Variants in CLOCK observed in about 807,000 individuals in gnomAD.
CLOCK encodes the protein circadian locomoter output cycles protein kaput.
Under a neutral mutation model 118.4 loss-of-function variants are expected in CLOCK, and 43 were observed. The observed-to-expected ratio is 0.36, with a 90% CI of 0.28 to 0.47. The LOEUF is 0.47. Ranked by LOEUF, CLOCK falls within the 20% of genes least tolerant of loss-of-function variation. The pLI is 1.00. For synonymous variants in CLOCK, 326 were observed against 339.2 expected, an observed-to-expected ratio of 0.96 and a Z score of 0.43; for missense variants, 846 against 999.9, an observed-to-expected ratio of 0.85 and a Z score of 2.08.
intron 1 of CLOCK, among the ~76,000 whole-genome samples, chr4:55,539,861 G>C (rs1731148476): frequency 6.6e-6 from 1 of 152,056 alleles, no homozygotes; most frequent in Admixed American, 6.5e-5. Flanking sequence ...TGAACAGCTT[G>C]CACTGCAGTG....
In CLOCK at chr4:55,448,964, T is replaced by C. The variant is rs1341799097; in HGVS notation, c.1450-96A>G. On this transcript the variant is annotated intron_variant, in intron 17 of 22. Coordinates refer to ENST00000513440, the MANE Select transcript of CLOCK (RefSeq NM_004898.4). ...CAATATGATATTCGTATTAATAAAC[T>C]TACCATTTGCCTCATACTTTTGTTA... is the stretch of plus-strand genomic sequence containing the variant. 7.1e-6 allele frequency: 7 copies of C among 989,968 alleles called. No homozygotes were observed. In the East Asian group the frequency reaches 1.6e-4, roughly 22 times the overall value. The allele number at this position is 989,968 out of a possible 1,614,324, so 61.3% of individuals were successfully genotyped here.
At chr4:55,477,354 T>C (rs1432984163) in intron 6 of CLOCK, among the ~76,000 whole-genome samples, 3 of 152,084 alleles carry the variant, frequency 2.0e-5, no homozygotes, top group Admixed American at 2.0e-4. Flanking sequence ...CAATAGGCAC[T>C]GAGGTTAGTG....
chr4:55,480,202 G>A (rs1560446916), intron 4 of CLOCK, among the ~76,000 whole-genome samples: 1 of 152,172 alleles, frequency 6.6e-6, no homozygotes, highest in African/African-American at 2.4e-5. Flanking sequence ...CATGTGCTCT[G>A]TTCTGGACAT....
intron 1 of CLOCK, among the ~76,000 whole-genome samples, chr4:55,517,087 T>C (rs1484320270): frequency 2.6e-5 from 4 of 152,244 alleles, no homozygotes; most frequent in Admixed American, 2.0e-4. Context: ...ATAACATTAT[T>C]TTGGACAAAC....
At chr4:55,465,013 A>C (rs1218206464) in intron 8 of CLOCK, among the ~76,000 whole-genome samples, 1 of 152,184 alleles carries the variant, frequency 6.6e-6, no homozygotes, top group East Asian at 1.9e-4. Context: ...CTTTCAAGAA[A>C]GCATTCCCTT....
chr4:55,518,882 C>T (rs1274672848), intron 1 of CLOCK, among the ~76,000 whole-genome samples: 1 of 152,140 alleles, frequency 6.6e-6, no homozygotes, highest in African/African-American at 2.4e-5. Context: ...AGTTCCAATG[C>T]CCCTGGATGA....
chr4:55,467,481 C>T (rs574918782), intron 8 of CLOCK, among the ~76,000 whole-genome samples: 3 of 152,128 alleles, frequency 2.0e-5, no homozygotes, highest in South Asian at 2.1e-4. Context: ...TGAAGGGCAT[C>T]GAATTTTGAA....
At chr4:55,480,817 G>C (rs1333581875) in intron 4 of CLOCK, among the ~76,000 whole-genome samples, 4 of 151,696 alleles carry the variant, frequency 2.6e-5, no homozygotes, top group Admixed American at 2.6e-4. Flanking sequence ...CGTGAACCCA[G>C]GAGGTGGAGC....
Position 55,435,598 on chromosome 4 carries a change from A to C in CLOCK, c.2362-4T>G, listed in dbSNP as rs1342974578. ...TCCCATGGAGCAACCTAGAAGTCTA[A>C]AAAACAAATGGATTATGCAGCATTG... On this transcript the variant is annotated splice_region_variant and splice_polypyrimidine_tract_variant and intron_variant, in intron 22 of 22. Transcript: ENST00000513440. 1 of 1,613,780 alleles carries C rather than the reference A, an allele frequency of 6.2e-7. No homozygotes were observed. The highest frequency in any genetic ancestry group is 8.5e-7 in the Non-Finnish European group (1 of 1,179,782).
chr4:55,443,665 C>T (rs1328685290), intron 20 of CLOCK, 22 bp downstream of exon 20: 1 of 1,587,846 alleles, frequency 6.3e-7, no homozygotes, highest in Non-Finnish European at 8.6e-7. Context: ...ACTCCATAGC[C>T]CGCTGTGCTC....
chr4:55,529,922 T>C (rs1242604445), intron 1 of CLOCK, among the ~76,000 whole-genome samples: 2 of 152,060 alleles, frequency 1.3e-5, no homozygotes, highest in Non-Finnish European at 2.9e-5. Context: ...GTCAGAAACA[T>C]ACAATTGAAA....
intron 18 of CLOCK, among the ~76,000 whole-genome samples, chr4:55,447,636 T>G (rs527246333): frequency 6.6e-6 from 1 of 152,282 alleles, no homozygotes; most frequent in South Asian, 2.1e-4. Flanking sequence ...TATCCTTTAT[T>G]TCATGAAAAT....
intron 2 of CLOCK, among the ~76,000 whole-genome samples, chr4:55,499,939 T>C (rs1728328581): frequency 6.6e-6 from 1 of 152,142 alleles, no homozygotes; most frequent in African/African-American, 2.4e-5. Flanking sequence ...GCTTCCAGAG[T>C]TCTCTTTCCC....
At chr4:55,443,390 G>C (rs956228990) in intron 20 of CLOCK, among the ~76,000 whole-genome samples, 1 of 150,122 alleles carries the variant, frequency 6.7e-6, no homozygotes, top group Non-Finnish European at 1.5e-5. Context: ...CAGGAGAATC[G>C]CTTCAACCCA....
intron 1 of CLOCK, among the ~76,000 whole-genome samples, chr4:55,534,810 G>C (rs1191861278): frequency 6.6e-6 from 1 of 151,266 alleles, no homozygotes; most frequent in East Asian, 1.9e-4. Context: ...TGAATGGAGA[G>C]GTATACTGTG....
At chr4:55,527,083 A>G (rs1436160814) in intron 1 of CLOCK, among the ~76,000 whole-genome samples, 1 of 152,196 alleles carries the variant, frequency 6.6e-6, no homozygotes, top group Non-Finnish European at 1.5e-5. Context: ...ATCAAAAGGA[A>G]TAAGAAAATG....
chr4:55,479,793 T>C (rs1726791759), intron 4 of CLOCK, 94 bp from the exon 5 acceptor site: 3 of 983,568 alleles, frequency 3.1e-6, no homozygotes, highest in African/African-American at 3.2e-5. Flanking sequence ...TGCCCTATGA[T>C]TTTTGTAAAG....
In CLOCK at chr4:55,542,376, ATAATAT is replaced by A. The variant is rs1456569320; in HGVS notation, c.-290+4400_-290+4405del. On this transcript the variant is annotated intron_variant, in intron 1 of 22. Coordinates refer to ENST00000513440, the MANE Select transcript of CLOCK (RefSeq NM_004898.4). ...AATAATAATAATAATAATAATAATA[ATAATAT>A]TATTATTATTATTATTATTAATGTC... Among the ~76,000 whole-genome samples, 364 of 51,600 alleles carry A rather than the reference ATAATAT, an allele frequency of 7.1e-3. 3 individuals are homozygous for A. Among genetic ancestry groups the A allele is most frequent in the African/African-American group, 0.031 (345 of 11,072 alleles). 33.9% of individuals were successfully genotyped at this position (51,600 alleles called of 152,430 possible). A position where few individuals can be genotyped will look rare whatever the true frequency, so the allele number is the denominator to read the frequency against.
intron 1 of CLOCK, among the ~76,000 whole-genome samples, chr4:55,534,572 A>G (rs1174286883): frequency 6.6e-6 from 1 of 152,176 alleles, no homozygotes; most frequent in Non-Finnish European, 1.5e-5. Context: ...TTTCTCTACA[A>G]TACAAATATC....
Sources: allele counts gnomAD v4.1 joint callset (sites outside exome capture counted in the v4.1 genomes callset), GRCh38; gene constraint gnomAD v4.1.1; transcripts MANE v1.5; gene names NCBI Gene and HGNC (gene_info 2026-07-23, HGNC 2026-07-21).